ZAP70: variants seen among roughly 807,000 people sequenced by gnomAD.
The protein encoded by ZAP70 is tyrosine-protein kinase ZAP-70.
A neutral mutation model predicts 65.8 loss-of-function variants in ZAP70; 27 were observed. That is an observed-to-expected ratio of 0.41 (90% confidence interval 0.30 to 0.57). ZAP70 has a LOEUF of 0.57. ZAP70 is among the 20% of genes least tolerant of loss of function. The pLI is 0.28. For missense variants in ZAP70, 696 were observed against 870.5 expected, an observed-to-expected ratio of 0.80 and a Z score of 2.52; for synonymous variants, 363 against 360.8, an observed-to-expected ratio of 1.01 and a Z score of -0.07.
At chr2:97,740,722 G>A (rs1678107361), downstream of ZAP70, among the ~76,000 whole-genome samples, 2 of 152,146 alleles carry the variant, frequency 1.3e-5, no homozygotes, top group African/African-American at 4.8e-5. Flanking sequence ...GGCCAGCTGG[G>A]GTCAATCCCG....
At chr2:97,734,829 A>G in intron 9 of ZAP70, 117 bp downstream of exon 9, 1 of 1,397,092 alleles carries the variant, frequency 7.2e-7, no homozygotes, top group East Asian at 2.3e-5. Context: ...CCTGGGAAAC[A>G]GACTCTGGGG....
intron 10 of ZAP70, among the ~76,000 whole-genome samples, chr2:97,735,690 G>T (rs1677845453): frequency 6.6e-6 from 1 of 152,216 alleles, no homozygotes. Context: ...CAGGGCCTTT[G>T]CGAGGATCGA....
chr2:97,735,035 C>A, intron 9 of ZAP70: 3 of 667,528 alleles, frequency 4.5e-6, no homozygotes, highest in Non-Finnish European at 7.6e-6. Context: ...TTCTTTTTGG[C>A]GATGGGCTGT....
At chr2:97,717,683 G>A (rs1001546524) in intron 2 of ZAP70, among the ~76,000 whole-genome samples, 4 of 152,364 alleles carry the variant, frequency 2.6e-5, no homozygotes, top group South Asian at 2.1e-4. Context: ...ATTAAGTGAC[G>A]CTGAAAGAGG....
intron 4 of ZAP70, 180 bp from the exon 5 acceptor site, chr2:97,732,703 T>C (rs1367046132): frequency 1.2e-6 from 1 of 837,924 alleles, no homozygotes; most frequent in Non-Finnish European, 1.8e-6. Context: ...CCTCTGCCAC[T>C]TGGCCCATCA....
chr2:97,716,873 C>A (rs1160900312), intron 2 of ZAP70, among the ~76,000 whole-genome samples: 3 of 152,190 alleles, frequency 2.0e-5, no homozygotes, highest in East Asian at 3.9e-4. Context: ...GGAGTCCCTG[C>A]AGCCCCAGTG....
At chr2:97,738,263 A>C (rs544417226) in intron 13 of ZAP70, 156 bp downstream of exon 13, 3 of 743,428 alleles carry the variant, frequency 4.0e-6, no homozygotes, top group South Asian at 1.7e-5. Context: ...CCCCACACCC[A>C]GCTCTCCAAC....
At chr2:97,716,101 C>T (rs1263621496) in intron 2 of ZAP70, among the ~76,000 whole-genome samples, 3 of 152,122 alleles carry the variant, frequency 2.0e-5, no homozygotes, top group Non-Finnish European at 4.4e-5. Context: ...GAGGATGGGA[C>T]AACGGAGGAG....
rs1161258869 is a variant in ZAP70 at position 97,737,599 on chromosome 2, G to C, written c.1416G>C (p.Arg472=). Residue 472 remains arginine, a synonymous_variant, in exon 11 of 14, where the codon CGG becomes CGC. Coordinates refer to ENST00000264972, the MANE Select transcript of ZAP70 (RefSeq NM_001079.4). This position sits in a 1 kb window ranked among gnomAD's most constrained non-coding sequence, Gnocchi z 5.0. ...LAARNVLLVN[R]HYAKISDFGL... is the part of the protein sequence containing the mutation. The stretch of plus-strand genomic sequence containing the variant: ...CCCGCAACGTCCTGCTGGTTAACCG[G>C]CACTACGCCAAGATCAGCGACTTTG... 1.9e-6 allele frequency: 3 copies of C among 1,613,982 alleles called. No individual in the cohort carries two copies. Among genetic ancestry groups the C allele is most frequent in the African/African-American group, 2.7e-5 (2 of 74,908 alleles).
At chr2:97,732,811 C>A in intron 4 of ZAP70, 72 bp from the exon 5 acceptor site, 2 of 1,598,530 alleles carry the variant, frequency 1.3e-6, no homozygotes, top group Non-Finnish European at 1.7e-6. Context: ...GGGTGTGTTG[C>A]GGGGGAACCG....
chr2:97,744,829 T>C (rs1022564724), downstream of ZAP70, among the ~76,000 whole-genome samples: 4 of 152,012 alleles, frequency 2.6e-5, no homozygotes, highest in Admixed American at 2.6e-4. Flanking sequence ...CTCACACATA[T>C]AAAAAAACTA....
chr2:97,740,117 G>T (rs138366607), downstream of ZAP70, among the ~76,000 whole-genome samples: 1 of 152,266 alleles, frequency 6.6e-6, no homozygotes, highest in East Asian at 1.9e-4. Flanking sequence ...CCTGTGTGGA[G>T]ATGAGTGTGC....
intron 4 of ZAP70, among the ~76,000 whole-genome samples, chr2:97,725,520 C>T (rs1334767950): frequency 6.6e-6 from 1 of 152,210 alleles, no homozygotes; most frequent in Non-Finnish European, 1.5e-5. Context: ...GGGCAAGTAG[C>T]GGACTGTGGT....
At chr2:97,720,921 C>A (rs1294891520) in intron 2 of ZAP70, among the ~76,000 whole-genome samples, 1 of 152,204 alleles carries the variant, frequency 6.6e-6, no homozygotes, top group Non-Finnish European at 1.5e-5. Flanking sequence ...GAGCCCATCT[C>A]TGGACACCCA....
intron 2 of ZAP70, among the ~76,000 whole-genome samples, chr2:97,719,928 T>C (rs1356788813): frequency 6.6e-6 from 1 of 152,140 alleles, no homozygotes; most frequent in Non-Finnish European, 1.5e-5. Flanking sequence ...GTGTGTGGAA[T>C]CACACAATTC....
rs887586235 is a variant in ZAP70, at chr2:97,736,762, C to T, written c.1290-711C>T. Among the ~76,000 whole-genome samples, 4 of 152,152 alleles carry T rather than the reference C, an allele frequency of 2.6e-5. No individual in the cohort carries two copies. The highest frequency in any genetic ancestry group is 9.7e-5 in the African/African-American group (4 of 41,428). Reference sequence around the variant, plus strand: ...GCAGAGGCCCTGAGGTGGTCCCGTGCCTCGTGTGGTGCGGGCAGGGAGGGG... The same window carrying T: ...GCAGAGGCCCTGAGGTGGTCCCGTGTCTCGTGTGGTGCGGGCAGGGAGGGG... On this transcript the variant is annotated intron_variant, in intron 10 of 13. Transcript: ENST00000264972. The surrounding 1 kb of genome is among the most constrained non-coding windows in gnomAD (Gnocchi z 4.0).
chr2:97,724,008 A>G lies in ZAP70; in HGVS notation c.-21-8A>G. ...CTGACGTGCCTCCGACCCTCTGTGA[A>G]CCCGCAGGTTTCGGGAGGCCCAGGG... On this transcript the variant is annotated splice_polypyrimidine_tract_variant and splice_region_variant and intron_variant, in intron 2 of 13. Transcript: ENST00000264972. 1 of 1,540,898 alleles carries G rather than the reference A, an allele frequency of 6.5e-7. No homozygotes were observed. The highest frequency in any genetic ancestry group is 8.7e-7 in the Non-Finnish European group (1 of 1,149,982).
chr2:97,724,465 T>G lies in ZAP70; in HGVS notation c.402+27T>G, dbSNP rs55824472. The G allele has an allele frequency of 3.1e-4, 472 of 1,517,296 alleles. No homozygotes were observed. The East Asian group carries it at 5.1e-3, about 16-fold the overall frequency. 94.0% of individuals were successfully genotyped at this position (1,517,296 alleles called of 1,614,324 possible). A position where few individuals can be genotyped will look rare whatever the true frequency, so the allele number is the denominator to read the frequency against. On this transcript the variant is annotated intron_variant, in intron 3 of 13. Coordinates refer to ENST00000264972, the MANE Select transcript of ZAP70 (RefSeq NM_001079.4). ...TGAGAGCGCAGCCTGGGGCGCGGGGTCTGGAGGGGCGTGGCCGAAGAGGGG... is the reference window on the plus strand; with the variant it reads ...TGAGAGCGCAGCCTGGGGCGCGGGGGCTGGAGGGGCGTGGCCGAAGAGGGG...
intron 4 of ZAP70, among the ~76,000 whole-genome samples, chr2:97,727,961 A>C (rs534277696): frequency 7.9e-5 from 12 of 152,226 alleles, no homozygotes; most frequent in Non-Finnish European, 1.5e-4. Flanking sequence ...AGGGGGTGGG[A>C]GAGTGAGAGA....
Sources: allele counts gnomAD v4.1 joint callset (sites outside exome capture counted in the v4.1 genomes callset), GRCh38; gene constraint gnomAD v4.1.1; non-coding constraint Gnocchi (gnomAD v3.1); transcripts MANE v1.5; gene names NCBI Gene and HGNC (gene_info 2026-07-23, HGNC 2026-07-21).